ADCY2: variants seen among roughly 807,000 people sequenced by gnomAD.
ADCY2 encodes adenylate cyclase type 2.
Under a neutral mutation model 125.2 loss-of-function variants are expected in ADCY2, and 31 were observed. That is an observed-to-expected ratio of 0.25 (90% CI 0.19 to 0.33). The LOEUF (loss-of-function observed/expected upper bound fraction) is 0.33. ADCY2 is among the 10% of genes least tolerant of loss of function. ADCY2 has a pLI of 1.00. For synonymous variants in ADCY2, 512 were observed against 548.4 expected (o/e 0.93, Z 0.93); for missense variants, 904 against 1,418.2 (o/e 0.64, Z 5.82).
chr5:7,574,724 T>C (rs1274754789), intron 3 of ADCY2, among the ~76,000 whole-genome samples: 1 of 151,958 alleles, frequency 6.6e-6, no homozygotes, highest in Non-Finnish European at 1.5e-5. Flanking sequence ...TAGTGAAACA[T>C]AGCAATGCTT....
intron 8 of ADCY2, 77 bp downstream of exon 8, chr5:7,706,979 A>G: frequency 3.2e-6 from 5 of 1,560,490 alleles, no homozygotes; most frequent in Non-Finnish European, 4.4e-6. Flanking sequence ...CTAATGACGG[A>G]GTGCTCAGTT....
chr5:7,583,438 A>G (rs1486171873), intron 3 of ADCY2, among the ~76,000 whole-genome samples: 1 of 152,098 alleles, frequency 6.6e-6, no homozygotes, highest in Non-Finnish European at 1.5e-5. Context: ...TAGCTTTGCT[A>G]TTCAGGATAC....
intron 14 of ADCY2, among the ~76,000 whole-genome samples, chr5:7,737,938 C>T (rs1207764530): frequency 2.6e-5 from 4 of 152,082 alleles, no homozygotes; most frequent in Admixed American, 2.0e-4. Context: ...AAACATTCAA[C>T]TCAAATATTC....
chr5:7,552,315 G>A (rs927788808), intron 3 of ADCY2, among the ~76,000 whole-genome samples: 7 of 152,146 alleles, frequency 4.6e-5, no homozygotes, highest in African/African-American at 1.7e-4. Flanking sequence ...ATCTGAAAAT[G>A]AGGGCCTGGG....
chr5:7,454,704 G>C (rs1367575293), intron 2 of ADCY2, among the ~76,000 whole-genome samples: 1 of 152,158 alleles, frequency 6.6e-6, no homozygotes, highest in African/African-American at 2.4e-5. Context: ...TCTCAGAGTT[G>C]ACACTATGCT....
intron 2 of ADCY2, among the ~76,000 whole-genome samples, chr5:7,480,920 T>C (rs1742705360): frequency 6.6e-6 from 1 of 152,230 alleles, no homozygotes; most frequent in Non-Finnish European, 1.5e-5. Flanking sequence ...ATCTTGGCTA[T>C]AGTGGATAGT....
Position 7,706,800 on chromosome 5 carries a change from G to C in ADCY2, c.1166G>C (p.Gly389Ala). ...DINMRVGVHS[G>A]NVLCGVIGLQ... The stretch of plus-strand genomic sequence containing the variant: ...AACATGCGCGTGGGCGTGCATTCTG[G>C]GAATGTCCTGTGTGGCGTGATTGGT... Residue 389 changes from glycine to alanine, a missense_variant, in exon 8 of 25, where the codon GGG (glycine) becomes GCG (alanine). This residue lies in a region of ADCY2 where 7 missense variants were observed against 45.2 expected (regional missense o/e 0.15). Transcript: ENST00000338316. 1 of 1,614,222 alleles carries C rather than the reference G, an allele frequency of 6.2e-7. No individual in the cohort carries two copies. The highest frequency in any genetic ancestry group is 8.5e-7 in the Non-Finnish European group (1 of 1,180,052).
intron 2 of ADCY2, among the ~76,000 whole-genome samples, chr5:7,510,036 A>G (rs1308835778): frequency 6.6e-6 from 1 of 152,206 alleles, no homozygotes; most frequent in African/African-American, 2.4e-5. Flanking sequence ...GAAGTAGCAG[A>G]ATGGGGTAAT....
At chr5:7,400,201 T>A (rs914462135) in intron 1 of ADCY2, among the ~76,000 whole-genome samples, 7 of 152,308 alleles carry the variant, frequency 4.6e-5, no homozygotes, top group African/African-American at 1.4e-4. Flanking sequence ...AATGAAAAAA[T>A]TTTATTCCAT....
At chr5:7,544,945 C>T in intron 3 of ADCY2, among the ~76,000 whole-genome samples, 1 of 152,170 alleles carries the variant, frequency 6.6e-6, no homozygotes, top group Non-Finnish European at 1.5e-5. Context: ...TGCACTGGGG[C>T]CAGGCCTGGG....
chr5:7,475,436 C>T (rs1441632675), intron 2 of ADCY2, among the ~76,000 whole-genome samples: 1 of 151,680 alleles, frequency 6.6e-6, no homozygotes, highest in Non-Finnish European at 1.5e-5. Context: ...GGCTGGAGTG[C>T]AATGGCACCA....
intron 19 of ADCY2, among the ~76,000 whole-genome samples, chr5:7,789,375 G>A (rs1744184042): frequency 6.6e-6 from 1 of 152,124 alleles, no homozygotes; most frequent in Admixed American, 6.5e-5. Context: ...AACTTTGCAG[G>A]AAGCTTTAAT....
chr5:7,704,813 G>A (rs1018275975), intron 7 of ADCY2, among the ~76,000 whole-genome samples: 12 of 151,318 alleles, frequency 7.9e-5, no homozygotes, highest in African/African-American at 2.9e-4. Context: ...GGGCGGCGGA[G>A]CTTGCAGTGA....
chr5:7,558,800 G>A (rs942872146), intron 3 of ADCY2, among the ~76,000 whole-genome samples: 2 of 152,130 alleles, frequency 1.3e-5, no homozygotes, highest in Non-Finnish European at 2.9e-5. Context: ...GTCTTCCAGG[G>A]TTTTCATAGT....
chr5:7,816,652 C>T (rs145509027), intron 22 of ADCY2, among the ~76,000 whole-genome samples: 66 of 152,386 alleles, frequency 4.3e-4, no homozygotes, highest in Middle Eastern at 3.4e-3. Flanking sequence ...GCCTGAGACA[C>T]GGAAGTCAGT....
intron 7 of ADCY2, among the ~76,000 whole-genome samples, chr5:7,704,878 C>T (rs113439521): frequency 1.1e-5 from 1 of 91,208 alleles, no homozygotes; most frequent in Non-Finnish European, 2.3e-5. Flanking sequence ...ACTCCATCTC[C>T]AAAAAAAAAA....
intron 2 of ADCY2, 90 bp downstream of exon 2, chr5:7,414,860 G>T (rs1206445843): frequency 6.2e-6 from 7 of 1,130,844 alleles, no homozygotes; most frequent in Non-Finnish European, 8.6e-6. Context: ...AAACTTTGAA[G>T]AGGAGTCCTA....
chr5:7,650,015 C>T (rs1175912615), intron 4 of ADCY2, among the ~76,000 whole-genome samples: 1 of 152,148 alleles, frequency 6.6e-6, no homozygotes, highest in Non-Finnish European at 1.5e-5. Flanking sequence ...TTACCATCCT[C>T]ATCCAAGCCA....
chr5:7,710,320 G>C (rs1206339290), intron 10 of ADCY2, among the ~76,000 whole-genome samples: 6 of 152,268 alleles, frequency 3.9e-5, no homozygotes, highest in Non-Finnish European at 8.8e-5. Context: ...GGAAGACCAT[G>C]ACCCATCAGA....
Sources: allele counts gnomAD v4.1 joint callset (sites outside exome capture counted in the v4.1 genomes callset), GRCh38; gene constraint gnomAD v4.1.1; regional missense constraint gnomAD v4.1.1; transcripts MANE v1.5; gene names NCBI Gene and HGNC (gene_info 2026-07-23, HGNC 2026-07-21).